Variants in GREM1 observed in about 807,000 individuals in gnomAD.
GREM1 encodes the protein gremlin 1, DAN family BMP antagonist.
A neutral mutation model predicts 13.1 loss-of-function variants in GREM1; 6 were observed. The observed-to-expected ratio is 0.46, with a 90% CI of 0.25 to 0.91. The LOEUF (loss-of-function observed/expected upper bound fraction) is 0.91, where lower values mean the gene tolerates loss of function less well. GREM1 is among the 40% of genes least tolerant of loss of function. The pLI, the probability that GREM1 is intolerant of heterozygous loss-of-function variation, is 0.18. For missense variants in GREM1, 185 were observed against 233.9 expected, an observed-to-expected ratio of 0.79 and a Z score of 1.36; for synonymous variants, 98 against 93.7, an observed-to-expected ratio of 1.05 and a Z score of -0.27.
intron 1 of GREM1, among the ~76,000 whole-genome samples, chr15:32,720,898 G>A (rs1358742592): frequency 1.3e-5 from 2 of 152,066 alleles, no homozygotes; most frequent in Non-Finnish European, 2.9e-5. Context: ...GGCTCACACC[G>A]GTAATCCCAG....
At chr15:32,724,279 A>G (rs534814202) in intron 1 of GREM1, among the ~76,000 whole-genome samples, 1 of 152,208 alleles carries the variant, frequency 6.6e-6, no homozygotes, top group Admixed American at 6.5e-5. Context: ...TATGCAGTGA[A>G]CATACATTCC....
rs1421546565 is a variant in GREM1, at chr15:32,734,768, G to A, written c.*3523G>A. On this transcript the variant is annotated 3_prime_UTR_variant, in exon 2 of 2. Coordinates refer to ENST00000651154, the MANE Select transcript of GREM1 (RefSeq NM_013372.7). ...GGGAGGTAGAAAAGAGAATTGGATA[G>A]CCTGTGATCTTTGGTGGAATTTATT... 1 of 195,754 alleles carries A rather than the reference G, an allele frequency of 5.1e-6. No homozygotes were observed. The highest frequency in any genetic ancestry group is 2.3e-5 in the African/African-American group (1 of 43,200). The allele number at this position is 195,754 out of a possible 1,614,324, so 12.1% of individuals were successfully genotyped here.
At position 32,718,077 on chromosome 15, in the gene GREM1, C is replaced by A; in HGVS notation, c.-86C>A. ...GTCACTCTCGGTCCCGCTGACCCCG[C>A]GCCGAGCCCCGGCGGCTCTGGCCGC... is the stretch of plus-strand genomic sequence containing the variant. On this transcript the variant is annotated 5_prime_UTR_variant, in exon 1 of 2. Coordinates refer to ENST00000651154, the MANE Select transcript of GREM1 (RefSeq NM_013372.7). The A allele has an allele frequency of 8.2e-7, 1 of 1,217,922 alleles. No homozygotes were observed. The highest frequency in any genetic ancestry group is 1.6e-5 in the African/African-American group (1 of 61,918). 75.4% of individuals were successfully genotyped at this position (1,217,922 alleles called of 1,614,324 possible).
In GREM1 at chr15:32,743,940, T is replaced by C. The variant is rs548320101; in HGVS notation, c.*12695T>C. 6.6e-6 allele frequency: 1 copy of C among 152,324 alleles called. No individual in the cohort carries two copies. The highest frequency in any genetic ancestry group is 2.1e-4 in the South Asian group (1 of 4,830). 9.4% of individuals were successfully genotyped at this position (152,324 alleles called of 1,614,324 possible). ...ATGTGAACCTCTCTTCACGACTTAG[T>C]AACTGGCTTCCTCTAGAGTGACTAA... On this transcript the variant is annotated 3_prime_UTR_variant, in exon 2 of 2. Transcript: ENST00000651154.
Position 32,734,017 on chromosome 15 carries a change from G to GCTCTGAAACAGGC in GREM1, c.*2772_*2773insCTCTGAAACAGGC, listed in dbSNP as rs2055664710. ...TGTAATTATTACTTCAAATCCTTTG[G>GCTCTGAAACAGGC]TCACTGTGATTTCAAGCATGTTTTC... On this transcript the variant is annotated 3_prime_UTR_variant, in exon 2 of 2. Transcript: ENST00000651154. 1 of 241,956 alleles carries GCTCTGAAACAGGC rather than the reference G, an allele frequency of 4.1e-6. No homozygotes were observed. Among genetic ancestry groups the GCTCTGAAACAGGC allele is most frequent in the South Asian group, 1.8e-4 (1 of 5,470 alleles). The allele number at this position is 241,956 out of a possible 1,614,324, so 15.0% of individuals were successfully genotyped here. A position where few individuals can be genotyped will look rare whatever the true frequency, so the allele number is the denominator to read the frequency against.
In GREM1 at chr15:32,731,226, T is replaced by C. The variant is rs368726521; in HGVS notation, c.536T>C (p.Ile179Thr). 1.9e-6 allele frequency: 3 copies of C among 1,613,612 alleles called. No individual in the cohort carries two copies. The African/African-American group carries it at 4.0e-5, about 22-fold the overall frequency. Residue 179 changes from isoleucine (I) to threonine (T), a missense_variant, in exon 2 of 2, where the codon ATA becomes ACA. Ile to Thr is a moderately conservative substitution (Grantham distance 89). Transcript: ENST00000651154. ...RVTRVKQCRC[I>T]SIDLD is the part of the protein sequence containing the mutation. ...ACACGTGTGAAGCAGTGTCGTTGCA[T>C]ATCCATCGATTTGGATTAAGCCAAA... is the stretch of plus-strand genomic sequence containing the variant.
intron 1 of GREM1, among the ~76,000 whole-genome samples, chr15:32,722,017 C>T (rs1304889104): frequency 6.6e-6 from 1 of 152,188 alleles, no homozygotes; most frequent in African/African-American, 2.4e-5. Context: ...CTGATTTAGC[C>T]GACCTGGTCT....
In GREM1 at chr15:32,726,786, C is replaced by A. The variant is rs2055514896; in HGVS notation, c.-1-3904C>A. Among the ~76,000 whole-genome samples the A allele has an allele frequency of 3.4e-5, 5 of 148,358 alleles. No homozygotes were observed. In the South Asian group the frequency reaches 1.1e-3, roughly 32 times the overall value. ...AATAAAGGAGAAAAGAGAGAAGAAT[C>A]AAATAGACAATAGACACAATAAAAA... On this transcript the variant is annotated intron_variant, in intron 1 of 1. Coordinates refer to ENST00000651154, the MANE Select transcript of GREM1 (RefSeq NM_013372.7).
chr15:32,722,445 G>A (rs2055423527), intron 1 of GREM1, among the ~76,000 whole-genome samples: 1 of 152,196 alleles, frequency 6.6e-6, no homozygotes, highest in African/African-American at 2.4e-5. Flanking sequence ...TGAGCAGGTT[G>A]CTTAGCTAAA....
chr15:32,730,157 CCT>C lies in GREM1; in HGVS notation c.-1-530_-1-529del, dbSNP rs1156990734. 3.9e-5 allele frequency among the ~76,000 whole-genome samples: 6 copies of C among 152,258 alleles called. No individual in the cohort carries two copies. In the East Asian group the frequency reaches 7.7e-4, roughly 20 times the overall value. On this transcript the variant is annotated intron_variant, in intron 1 of 1. Transcript: ENST00000651154. ...CGACCTTTCCTGTTTTGTTGTTTTC[CCT>C]CTGTCAAATGCCTTCTGGTCTCCAT...
Position 32,730,897 on chromosome 15 carries a change from C to G in GREM1, c.207C>G (p.Pro69=), listed in dbSNP as rs2280738. Reference sequence around the variant, plus strand: ...GCCAAGGGCGGGGCACTGCCATGCCCGGGGAGGAGGTGCTGGAGTCCAGCC... The same window carrying G: ...GCCAAGGGCGGGGCACTGCCATGCCGGGGGAGGAGGTGCTGGAGTCCAGCC... The part of the protein sequence containing the change: ...GRGQGRGTAM[P]GEEVLESSQE... The change falls in exon 2 of 2, where the codon CCC becomes CCG. Residue 69 remains proline (P), a synonymous_variant. Coordinates refer to ENST00000651154, the MANE Select transcript of GREM1 (RefSeq NM_013372.7). The G allele has an allele frequency of 0.019, 29,969 of 1,613,540 alleles. 1,320 individuals carry two copies. The highest frequency in any genetic ancestry group is 0.18 in the East Asian group (8,263 of 44,850).
intron 1 of GREM1, chr15:32,718,443 C>A (rs1172731367): frequency 2.1e-6 from 1 of 473,360 alleles, no homozygotes; most frequent in East Asian, 5.6e-5. Flanking sequence ...TCCCGGAGGC[C>A]CCCGAACACG....
At chr15:32,718,235 T>C (rs2055329064) in intron 1 of GREM1, 74 bp downstream of exon 1, 6 of 1,164,134 alleles carry the variant, frequency 5.2e-6, no homozygotes, top group Non-Finnish European at 7.0e-6. Context: ...CAGGACCCGC[T>C]CAGTTCCACG....
chr15:32,733,224 C>T lies in GREM1; in HGVS notation c.*1979C>T, dbSNP rs1467029825. ...CCCCACCCCAAATCTTTGTATTGTCCACATTCTCCAACAATAAAGCACAGA... is the reference window on the plus strand; with the variant it reads ...CCCCACCCCAAATCTTTGTATTGTCTACATTCTCCAACAATAAAGCACAGA... On this transcript the variant is annotated 3_prime_UTR_variant, in exon 2 of 2. Coordinates refer to ENST00000651154, the MANE Select transcript of GREM1 (RefSeq NM_013372.7). 1 of 225,882 alleles carries T rather than the reference C, an allele frequency of 4.4e-6. No individual in the cohort carries two copies. The highest frequency in any genetic ancestry group is 1.9e-4 in the South Asian group (1 of 5,324). 14.0% of individuals were successfully genotyped at this position (225,882 alleles called of 1,614,324 possible).
chr15:32,732,339 A>G lies in GREM1; in HGVS notation c.*1094A>G. ...TCCACTATTTCCCATAATGCTTCTG[A>G]GAGCCACTAACTTGATTGATAAAGA... On this transcript the variant is annotated 3_prime_UTR_variant, in exon 2 of 2. Transcript: ENST00000651154. 4.1e-6 allele frequency: 1 copy of G among 241,882 alleles called. No individual in the cohort carries two copies. The highest frequency in any genetic ancestry group is 8.8e-6 in the Non-Finnish European group (1 of 114,160). 15.0% of individuals were successfully genotyped at this position (241,882 alleles called of 1,614,324 possible).
chr15:32,738,125 A>AAAAAAAAAAAAAAAAAAAAC lies in GREM1; in HGVS notation c.*6888_*6889insAAAAAAAAAAACAAAAAAAA. ...AAAAAAAAAAAAAAAAAAAAAAAAA[A>AAAAAAAAAAAAAAAAAAAAC]AAAAAAAAGAAAAGAAAAAAGTCAT... On this transcript the variant is annotated 3_prime_UTR_variant, in exon 2 of 2. Transcript: ENST00000651154. 6 of 27,966 alleles carry AAAAAAAAAAAAAAAAAAAAC rather than the reference A, an allele frequency of 2.1e-4. 2 individuals are homozygous for AAAAAAAAAAAAAAAAAAAAC. Among genetic ancestry groups the AAAAAAAAAAAAAAAAAAAAC allele is most frequent in the East Asian group, 1.9e-3 (1 of 524 alleles). 1.7% of individuals were successfully genotyped at this position (27,966 alleles called of 1,614,324 possible).
At position 32,732,658 on chromosome 15, in the gene GREM1, T is replaced by C. The variant is rs554384994; in HGVS notation, c.*1413T>C. On this transcript the variant is annotated 3_prime_UTR_variant, in exon 2 of 2. Transcript: ENST00000651154. Reference sequence around the variant, plus strand: ...GCATAGCATCATGATGTATTAGCTGTTCATCTGCTACTGGTTGGATGGACA... The same window carrying C: ...GCATAGCATCATGATGTATTAGCTGCTCATCTGCTACTGGTTGGATGGACA... The C allele has an allele frequency of 9.9e-4, 240 of 242,530 alleles. 1 individual carries two copies. Among genetic ancestry groups the C allele is most frequent in the Non-Finnish European group, 1.8e-3 (210 of 114,576 alleles). 15.0% of individuals were successfully genotyped at this position (242,530 alleles called of 1,614,324 possible).
chr15:32,728,509 TTTAA>T lies in GREM1; in HGVS notation c.-1-2177_-1-2174del, dbSNP rs533243806. Among the ~76,000 whole-genome samples the T allele has an allele frequency of 1.9e-3, 291 of 151,070 alleles. 1 individual carries two copies. The highest frequency in any genetic ancestry group is 6.8e-3 in the Middle Eastern group (2 of 292). ...ATTTAAAGATATCTTAAATTCAATA[TTTAA>T]TTATTTTAATTTGACATTATCCTAG... is the stretch of plus-strand genomic sequence containing the variant. On this transcript the variant is annotated intron_variant, in intron 1 of 1. Transcript: ENST00000651154.
In GREM1 at chr15:32,736,684, C is replaced by G. The variant is rs541922129; in HGVS notation, c.*5439C>G. ...AAGCAGAGACTTCAGTGTCCACACA[C>G]AACAAAAAATACAGACTTTACAGAA... On this transcript the variant is annotated 3_prime_UTR_variant, in exon 2 of 2. Transcript: ENST00000651154. 4 of 152,144 alleles carry G rather than the reference C, an allele frequency of 2.6e-5. No homozygotes were observed. The highest frequency in any genetic ancestry group is 9.6e-5 in the African/African-American group (4 of 41,484). The allele number at this position is 152,144 out of a possible 1,614,324, so 9.4% of individuals were successfully genotyped here.
Sources: gnomAD v4.1 joint callset for allele counts (sites outside exome capture counted in the v4.1 genomes callset) on GRCh38, gnomAD v4.1.1 for gene constraint, MANE v1.5 for transcripts, NCBI Gene and HGNC (gene_info 2026-07-23, HGNC 2026-07-21) for gene names.